The following PHF20 variants were observed in gnomAD, a reference collection of about 807,000 sequenced individuals.
PHF20 encodes glioma-expressed antigen 2.
Under a neutral mutation model 113.5 loss-of-function variants are expected in PHF20, and 23 were observed. That is an observed-to-expected ratio of 0.20 (90% CI 0.15 to 0.29). PHF20 has a LOEUF of 0.29. Among genes scored for constraint, PHF20 ranks in the 10% least tolerant of loss-of-function variants. The pLI, the probability that PHF20 is intolerant of heterozygous loss-of-function variation, is 1.00. For synonymous variants in PHF20, 434 were observed against 457.3 expected, an observed-to-expected ratio of 0.95 and a Z score of 0.65; for missense variants, 943 against 1,219.6, an observed-to-expected ratio of 0.77 and a Z score of 3.38.
rs564112372 is a variant in PHF20, at chr20:35,807,972, A to T, written c.83+6367A>T. ...TTCAAGATAATATGAAGATTCTGTA[A>T]TTATATGCAGTAGGAAGAAAAAGGA... On this transcript the variant is annotated intron_variant, in intron 2 of 17. Coordinates refer to ENST00000374012, the MANE Select transcript of PHF20 (RefSeq NM_016436.5). 3.3e-5 allele frequency among the ~76,000 whole-genome samples: 5 copies of T among 152,174 alleles called. No homozygotes were observed. The East Asian group carries it at 9.7e-4, about 29-fold the overall frequency.
intron 1 of PHF20, among the ~76,000 whole-genome samples, chr20:35,776,995 AG>A (rs1207012185): frequency 2.6e-5 from 4 of 152,182 alleles, no homozygotes; most frequent in Non-Finnish European, 2.9e-5. Flanking sequence ...CCCTTGTCCA[AG>A]TCACTTCTGC....
At chr20:35,867,174 G>T (rs1447484469) in intron 6 of PHF20, among the ~76,000 whole-genome samples, 1 of 152,172 alleles carries the variant, frequency 6.6e-6, no homozygotes, top group African/African-American at 2.4e-5. Flanking sequence ...TCATTGATTT[G>T]TAGAGCCTTC....
intron 4 of PHF20, chr20:35,855,221 T>C: frequency 7.6e-7 from 1 of 1,310,438 alleles, no homozygotes. Context: ...TAGCATTGTT[T>C]ATCATAACTG....
rs190028559 is a variant in PHF20, at chr20:35,819,292, T to G, written c.83+17687T>G. On this transcript the variant is annotated intron_variant, in intron 2 of 17. Transcript: ENST00000374012. ...AACTAAAATCTGAGAGGCTGCAGTT[T>G]CCTAGTAGTGATACTTGGTGGATAG... Among the ~76,000 whole-genome samples, 294 of 152,220 alleles carry G rather than the reference T, an allele frequency of 1.9e-3. 3 individuals are homozygous for G. The highest frequency in any genetic ancestry group is 3.4e-3 in the Middle Eastern group (1 of 294).
intron 5 of PHF20, 91 bp from the exon 6 acceptor site, chr20:35,862,918 ATTTC>A (rs2054243295): frequency 2.3e-6 from 3 of 1,277,124 alleles, no homozygotes; most frequent in African/African-American, 3.0e-5. Context: ...TCTTGTTTTA[ATTTC>A]TTTGTTTGTC....
intron 2 of PHF20, among the ~76,000 whole-genome samples, chr20:35,812,986 T>C (rs1367973654): frequency 6.6e-6 from 1 of 152,206 alleles, no homozygotes; most frequent in Non-Finnish European, 1.5e-5. Context: ...TTATTATTTT[T>C]GATACAGAGT....
At chr20:35,782,213 C>T (rs1176629821) in intron 1 of PHF20, 3 of 150,054 alleles carry the variant, frequency 2.0e-5, no homozygotes, top group African/African-American at 2.5e-5. Flanking sequence ...ACATGTGCAA[C>T]TTGTAAAGGC....
chr20:35,805,082 C>G (rs924417431), intron 2 of PHF20, among the ~76,000 whole-genome samples: 1 of 149,774 alleles, frequency 6.7e-6, no homozygotes, highest in South Asian at 2.1e-4. Flanking sequence ...TTTTTTATTT[C>G]TAGTAGAGCC....
chr20:35,842,215 G>A (rs774421650), intron 2 of PHF20, among the ~76,000 whole-genome samples: 1 of 152,074 alleles, frequency 6.6e-6, no homozygotes, highest in Non-Finnish European at 1.5e-5. Context: ...GCATGGTGGC[G>A]GGCGCTGTAA....
intron 10 of PHF20, among the ~76,000 whole-genome samples, chr20:35,912,185 G>C (rs1481156340): frequency 6.6e-6 from 1 of 150,526 alleles, no homozygotes; most frequent in Non-Finnish European, 1.5e-5. Flanking sequence ...TCACCATGTT[G>C]GTCAGGCTGG....
At chr20:35,920,923 C>A (rs995276871) in intron 13 of PHF20, among the ~76,000 whole-genome samples, 2 of 152,152 alleles carry the variant, frequency 1.3e-5, no homozygotes, top group South Asian at 4.1e-4. Context: ...TTTCATAGAA[C>A]CCCAAAATGT....
intron 2 of PHF20, among the ~76,000 whole-genome samples, chr20:35,823,883 C>T (rs767589207): frequency 3.9e-5 from 6 of 152,068 alleles, no homozygotes; most frequent in African/African-American, 7.2e-5. Context: ...TGAGACTCAC[C>T]CGTATTTTTG....
intron 12 of PHF20, chr20:35,917,129 TG>T: frequency 2.7e-6 from 1 of 376,076 alleles, no homozygotes; most frequent in South Asian, 2.1e-5. Flanking sequence ...CCTGACTGGA[TG>T]GAGTGAGGCT....
At position 35,855,290 on chromosome 20, in the gene PHF20, T is replaced by C. The variant is rs781320036; in HGVS notation, c.341-3012T>C. 5.3e-6 allele frequency: 7 copies of C among 1,325,896 alleles called. No individual in the cohort carries two copies. The East Asian group carries it at 3.3e-4, about 63-fold the overall frequency. 82.1% of individuals were successfully genotyped at this position (1,325,896 alleles called of 1,614,324 possible). A position where few individuals can be genotyped will look rare whatever the true frequency, so the allele number is the denominator to read the frequency against. ...GTAAAAACAGGAACCCAGACCTTTGTTGTAAGTACTCATAAGTCATTGCTG... is the reference window on the plus strand; with the variant it reads ...GTAAAAACAGGAACCCAGACCTTTGCTGTAAGTACTCATAAGTCATTGCTG... On this transcript the variant is annotated intron_variant, in intron 4 of 17. Transcript: ENST00000374012.
chr20:35,932,315 C>T (rs1381708321), intron 15 of PHF20, among the ~76,000 whole-genome samples: 2 of 151,610 alleles, frequency 1.3e-5, no homozygotes, highest in Non-Finnish European at 2.9e-5. Context: ...GTGATCCACC[C>T]ACCTCGGGCT....
chr20:35,895,137 C>T (rs2054955359), intron 9 of PHF20, among the ~76,000 whole-genome samples: 1 of 152,152 alleles, frequency 6.6e-6, no homozygotes, highest in Admixed American at 6.5e-5. Flanking sequence ...AATTCTTCCA[C>T]CTCAGCTTCC....
At chr20:35,878,672 G>T (rs1028720751) in intron 9 of PHF20, 1 of 789,416 alleles carries the variant, frequency 1.3e-6, no homozygotes. Context: ...AGGCTTTGTT[G>T]TAGGAGCAAT....
At chr20:35,902,662 A>AC (rs2055119579) in intron 10 of PHF20, among the ~76,000 whole-genome samples, 2 of 152,216 alleles carry the variant, frequency 1.3e-5, no homozygotes, top group Non-Finnish European at 2.9e-5. Flanking sequence ...TATGTTGAGT[A>AC]ATATGTGTCA....
intron 1 of PHF20, among the ~76,000 whole-genome samples, chr20:35,797,297 G>C (rs2041685905): frequency 6.6e-6 from 1 of 151,886 alleles, no homozygotes. Context: ...TGCATCATTT[G>C]AGGTCAGGAA....
Sources: allele counts gnomAD v4.1 joint callset (sites outside exome capture counted in the v4.1 genomes callset), GRCh38; gene constraint gnomAD v4.1.1; transcripts MANE v1.5; gene names NCBI Gene and HGNC (gene_info 2026-07-23, HGNC 2026-07-21).